The following MIGA1 variants were observed in gnomAD, a reference collection of about 807,000 sequenced individuals.
The protein encoded by MIGA1 is family with sequence similarity 73, member A.
Under a neutral mutation model 82.0 loss-of-function variants are expected in MIGA1, and 58 were observed. That is an observed-to-expected ratio of 0.71 (90% confidence interval 0.57 to 0.88). The LOEUF (loss-of-function observed/expected upper bound fraction) is 0.88, where lower values mean the gene tolerates loss of function less well. Ranked by LOEUF, MIGA1 falls within the 40% of genes least tolerant of loss-of-function variation. The pLI is 0.00. For synonymous variants in MIGA1, 249 were observed against 253.6 expected (o/e 0.98, Z 0.17); for missense variants, 751 against 749.1 (o/e 1.00, Z -0.03).
At chr1:77,793,246 G>T (rs529502118) in intron 2 of MIGA1, among the ~76,000 whole-genome samples, 2 of 152,170 alleles carry the variant, frequency 1.3e-5, no homozygotes, top group East Asian at 3.9e-4. Flanking sequence ...TGTGACGCAG[G>T]CATGCACCAC....
intron 8 of MIGA1, chr1:77,848,734 G>A: frequency 2.0e-6 from 3 of 1,495,344 alleles, no homozygotes; most frequent in Non-Finnish European, 2.8e-6. Flanking sequence ...GTCAGCTAGA[G>A]ACAGGTACTT....
At chr1:77,817,671 C>T (rs942204502) in intron 7 of MIGA1, among the ~76,000 whole-genome samples, 9 of 152,186 alleles carry the variant, frequency 5.9e-5, no homozygotes, top group Non-Finnish European at 1.0e-4. Context: ...AGCTCTTTTA[C>T]AACTGTTACT....
intron 7 of MIGA1, among the ~76,000 whole-genome samples, chr1:77,835,620 A>G (rs1424262456): frequency 6.6e-6 from 1 of 152,178 alleles, no homozygotes; most frequent in African/African-American, 2.4e-5. Flanking sequence ...AGATAGTAGT[A>G]TAAGTTTAGT....
chr1:77,792,852 G>T (rs1021277388), intron 2 of MIGA1, among the ~76,000 whole-genome samples: 1 of 149,132 alleles, frequency 6.7e-6, no homozygotes, highest in Non-Finnish European at 1.5e-5. Flanking sequence ...GCAGTGGCGC[G>T]ATCTCAGCTC....
Position 77,863,925 on chromosome 1 carries a change from T to A in MIGA1, c.1406T>A (p.Leu469Gln), listed in dbSNP as rs1428516517. Reference sequence around the variant, plus strand: ...AATCTAAATTTTTATGATGTTGTTCTGGATTTTATATTAATGGACTCCTTT... The same window carrying A: ...AATCTAAATTTTTATGATGTTGTTCAGGATTTTATATTAATGGACTCCTTT... The change falls in exon 13 of 16, where the codon CTG becomes CAG. Residue 469 changes from leucine (L) to glutamine (Q), a missense_variant. Physicochemically the swap from Leu to Gln is moderately radical, Grantham distance 113. Transcript: ENST00000370791. 1 of 1,583,238 alleles carries A rather than the reference T, an allele frequency of 6.3e-7. No individual in the cohort carries two copies. Among genetic ancestry groups the A allele is most frequent in the Non-Finnish European group, 8.6e-7 (1 of 1,165,038 alleles).
rs775530953 is a variant in MIGA1 at position 77,877,631 on chromosome 1, CTAAG to C, written c.*2569_*2572del. ...TTATAGTAATTTACCCATTTGAGGGCTAAGTGTTTTAAGCTGTGGTTTTATAAGC... is the reference window on the plus strand; with the variant it reads ...TTATAGTAATTTACCCATTTGAGGGCTGTTTTAAGCTGTGGTTTTATAAGC... On this transcript the variant is annotated 3_prime_UTR_variant, in exon 16 of 16. Transcript: ENST00000370791. 3 of 152,550 alleles carry C rather than the reference CTAAG, an allele frequency of 2.0e-5. No homozygotes were observed. Among genetic ancestry groups the C allele is most frequent in the Non-Finnish European group, 4.4e-5 (3 of 68,030 alleles). 9.4% of individuals were successfully genotyped at this position (152,550 alleles called of 1,614,324 possible).
At chr1:77,793,824 T>C (rs1682540587) in intron 2 of MIGA1, among the ~76,000 whole-genome samples, 1 of 147,972 alleles carries the variant, frequency 6.8e-6, no homozygotes, top group African/African-American at 2.5e-5. Flanking sequence ...TCTCACTCTG[T>C]CGCCCAGGCT....
intron 11 of MIGA1, chr1:77,860,431 C>A (rs1335712654): frequency 4.3e-6 from 1 of 232,986 alleles, no homozygotes. Context: ...TTACCTCAAT[C>A]CTGTTCAGGA....
intron 5 of MIGA1, among the ~76,000 whole-genome samples, chr1:77,812,991 T>C (rs1441427454): frequency 6.6e-6 from 1 of 151,582 alleles, no homozygotes; most frequent in African/African-American, 2.4e-5. Context: ...CTTTACTTTC[T>C]TTTTTTTGAG....
intron 14 of MIGA1, chr1:77,868,206 C>G (rs1685747584): frequency 6.6e-6 from 1 of 152,084 alleles, no homozygotes; most frequent in Non-Finnish European, 1.5e-5. Flanking sequence ...CTTTATTTTT[C>G]TACTTCTTAG....
At chr1:77,816,183 A>G (rs1288032676) in intron 7 of MIGA1, among the ~76,000 whole-genome samples, 2 of 152,102 alleles carry the variant, frequency 1.3e-5, no homozygotes, top group Non-Finnish European at 2.9e-5. Context: ...ACCTCAAGTG[A>G]TCCTCCCACC....
chr1:77,780,700 A>G (rs546291213), intron 1 of MIGA1, among the ~76,000 whole-genome samples: 50 of 152,284 alleles, frequency 3.3e-4, no homozygotes, highest in African/African-American at 1.2e-3. Flanking sequence ...CCGTCTATAA[A>G]TTTGAATAAT....
intron 12 of MIGA1, 103 bp downstream of exon 12, chr1:77,861,425 T>C: frequency 1.3e-6 from 1 of 758,100 alleles, no homozygotes; most frequent in Admixed American, 2.4e-5. Context: ...ATAAAGCCAA[T>C]TGTATGGTTG....
At chr1:77,817,634 T>A (rs1007632961) in intron 7 of MIGA1, among the ~76,000 whole-genome samples, 1 of 152,232 alleles carries the variant, frequency 6.6e-6, no homozygotes, top group African/African-American at 2.4e-5. Flanking sequence ...TCAAAAGAGC[T>A]GAATTTATGG....
chr1:77,866,787 G>A lies in MIGA1; in HGVS notation c.1563+396G>A, dbSNP rs186147477. 1.8e-3 allele frequency among the ~76,000 whole-genome samples: 270 copies of A among 150,848 alleles called. 2 individuals carry two copies. The highest frequency in any genetic ancestry group is 1.3e-3 in the Non-Finnish European group (88 of 67,802). On this transcript the variant is annotated intron_variant, in intron 14 of 15. Coordinates refer to ENST00000370791, the MANE Select transcript of MIGA1 (RefSeq NM_198549.4). ...CAATCTTTGCTTCCCGGGTTCAAGCGATTCTTCTGCCTCAGCTTCCCAAGT... is the reference window on the plus strand; with the variant it reads ...CAATCTTTGCTTCCCGGGTTCAAGCAATTCTTCTGCCTCAGCTTCCCAAGT...
At chr1:77,850,034 C>CAAAAAAA (rs377438344) in intron 8 of MIGA1, among the ~76,000 whole-genome samples, 1 of 97,378 alleles carries the variant, frequency 1.0e-5, no homozygotes, top group African/African-American at 3.8e-5. Context: ...GACTCTCTCT[C>CAAAAAAA]AAAAAAAAAA....
intron 7 of MIGA1, among the ~76,000 whole-genome samples, chr1:77,820,120 T>C (rs934614181): frequency 2.0e-4 from 30 of 150,564 alleles, no homozygotes; most frequent in Non-Finnish European, 4.3e-4. Context: ...TTTTTTTTTT[T>C]TTTTAATTTT....
intron 5 of MIGA1, 133 bp downstream of exon 5, chr1:77,807,234 T>A (rs1207137209): frequency 3.6e-6 from 2 of 558,392 alleles, no homozygotes; most frequent in Non-Finnish European, 5.9e-6. Context: ...CGATTACTGC[T>A]CATTGCAGCC....
intron 2 of MIGA1, among the ~76,000 whole-genome samples, chr1:77,793,989 A>G (rs1197440338): frequency 1.3e-5 from 2 of 149,542 alleles, no homozygotes; most frequent in South Asian, 2.1e-4. Context: ...GGGTTTCGCC[A>G]TGTTGGCCAG....
Sources: allele counts gnomAD v4.1 joint callset (sites outside exome capture counted in the v4.1 genomes callset), GRCh38; gene constraint gnomAD v4.1.1; transcripts MANE v1.5; gene names NCBI Gene and HGNC (gene_info 2026-07-23, HGNC 2026-07-21).